The following ASIC2 variants were observed in gnomAD, a reference collection of about 807,000 sequenced individuals.
The protein encoded by ASIC2 is acid-sensing ion channel 2.
A neutral mutation model predicts 57.3 loss-of-function variants in ASIC2; 25 were observed. The ratio of observed to expected loss-of-function variants is 0.44; its 90% CI spans 0.32 to 0.61. ASIC2 has a LOEUF of 0.61. Among genes scored for constraint, ASIC2 ranks in the 20% least tolerant of loss-of-function variants. The pLI, the probability that ASIC2 is intolerant of heterozygous loss-of-function variation, is 0.06. For missense variants in ASIC2, 641 were observed against 738.1 expected (o/e 0.87, Z 1.52); for synonymous variants, 319 against 307.5 (o/e 1.04, Z -0.39).
chr17:33,403,717 A>G (rs777631648), intron 1 of ASIC2, among the ~76,000 whole-genome samples: 4 of 152,174 alleles, frequency 2.6e-5, no homozygotes, highest in Non-Finnish European at 5.9e-5. Flanking sequence ...TCAAGTAACC[A>G]ACCTCCATCA....
At chr17:34,120,722 C>CTTTTTTTTTTTTTTTTTT (rs142959293) in intron 1 of ASIC2, among the ~76,000 whole-genome samples, 8 of 94,628 alleles carry the variant, frequency 8.5e-5, no homozygotes, top group Non-Finnish European at 1.2e-4. Context: ...TGGGGTCCTT[C>CTTTTTTTTTTTTTTTTTT]TTTTTTTTTT....
chr17:33,682,118 A>G (rs1597833648), intron 1 of ASIC2, among the ~76,000 whole-genome samples: 2 of 140,830 alleles, frequency 1.4e-5, no homozygotes, highest in East Asian at 4.2e-4. Flanking sequence ...GGAGTGCAGT[A>G]GTGCAATCTT....
intron 3 of ASIC2, among the ~76,000 whole-genome samples, chr17:33,062,416 T>C (rs2092024674): frequency 6.6e-6 from 1 of 152,222 alleles, no homozygotes; most frequent in Non-Finnish European, 1.5e-5. Context: ...CATTTCGTTA[T>C]GTACACAGTA....
chr17:33,536,068 G>A (rs1038362156), intron 1 of ASIC2, among the ~76,000 whole-genome samples: 1 of 152,174 alleles, frequency 6.6e-6, no homozygotes, highest in Non-Finnish European at 1.5e-5. Context: ...AGTAGAAAAT[G>A]TTCTCCTTAT....
At chr17:33,393,928 T>C (rs1030120263) in intron 1 of ASIC2, among the ~76,000 whole-genome samples, 2 of 152,216 alleles carry the variant, frequency 1.3e-5, no homozygotes, top group Non-Finnish European at 2.9e-5. Flanking sequence ...CACTTCTACT[T>C]AGCCATGTAA....
chr17:33,622,123 C>A (rs776749462), intron 1 of ASIC2, among the ~76,000 whole-genome samples: 18 of 151,828 alleles, frequency 1.2e-4, no homozygotes, highest in Admixed American at 1.3e-4. Context: ...AGGTGCCTGG[C>A]ACTGTGCAAG....
intron 1 of ASIC2, among the ~76,000 whole-genome samples, chr17:33,856,116 G>C (rs1020757196): frequency 6.6e-6 from 1 of 152,106 alleles, no homozygotes; most frequent in Non-Finnish European, 1.5e-5. Context: ...GTGTACACAA[G>C]GCACTGTACA....
intron 1 of ASIC2, among the ~76,000 whole-genome samples, chr17:33,206,256 C>T (rs1270223622): frequency 3.9e-5 from 6 of 152,220 alleles, no homozygotes; most frequent in African/African-American, 1.4e-4. Flanking sequence ...GTGATGAGGT[C>T]GAAGGAGCCA....
In ASIC2 at chr17:34,045,842, C is replaced by T. The variant is rs773094613; in HGVS notation, c.555+110136G>A. On this transcript the variant is annotated intron_variant, in intron 1 of 9. Transcript: ENST00000359872. ...AACCCTGTATACAGACACCATTCCT[C>T]GCATTAAAAGATTAAATGAGTCTCT... Among the ~76,000 whole-genome samples, 7 of 152,174 alleles carry T rather than the reference C, an allele frequency of 4.6e-5. No individual in the cohort carries two copies. In the South Asian group the frequency reaches 8.3e-4, roughly 18 times the overall value.
chr17:33,975,909 G>A (rs1462661127), intron 1 of ASIC2, among the ~76,000 whole-genome samples: 2 of 151,770 alleles, frequency 1.3e-5, no homozygotes, highest in African/African-American at 2.4e-5. Flanking sequence ...CTCCTTTTAC[G>A]GTACCATGTT....
At chr17:33,229,394 A>G (rs1335647926) in intron 1 of ASIC2, among the ~76,000 whole-genome samples, 1 of 152,230 alleles carries the variant, frequency 6.6e-6, no homozygotes, top group African/African-American at 2.4e-5. Context: ...TGGTCTGAGC[A>G]TGGGGACAGG....
At chr17:33,962,923 TC>T (rs1261042256) in intron 1 of ASIC2, among the ~76,000 whole-genome samples, 1 of 152,246 alleles carries the variant, frequency 6.6e-6, no homozygotes, top group African/African-American at 2.4e-5. Context: ...AGATTCTGCA[TC>T]CCCCTTCCTT....
At chr17:33,186,225 C>T (rs1252849662) in intron 1 of ASIC2, among the ~76,000 whole-genome samples, 2 of 152,132 alleles carry the variant, frequency 1.3e-5, no homozygotes, top group Non-Finnish European at 2.9e-5. Flanking sequence ...ATTCTCCTGC[C>T]TCAGACTCTC....
chr17:33,544,245 ATTGTGTGAATAAGGTATACCCCACT>A (rs1392068172), intron 1 of ASIC2, among the ~76,000 whole-genome samples: 1 of 152,194 alleles, frequency 6.6e-6, no homozygotes, highest in Non-Finnish European at 1.5e-5. Flanking sequence ...GTAGTAGACC[ATTGTGTGAATAAGGTATACCCCACT>A]TTGTTCGTCC....
chr17:33,919,105 T>C (rs1915652624), intron 1 of ASIC2, among the ~76,000 whole-genome samples: 1 of 152,078 alleles, frequency 6.6e-6, no homozygotes, highest in Non-Finnish European at 1.5e-5. Flanking sequence ...TGGGCAATGC[T>C]AGTGCAGGCG....
At chr17:33,542,252 T>C (rs1915436337) in intron 1 of ASIC2, among the ~76,000 whole-genome samples, 1 of 151,384 alleles carries the variant, frequency 6.6e-6, no homozygotes, top group Non-Finnish European at 1.5e-5. Flanking sequence ...GTCATTTGGG[T>C]ATATACCCAG....
intron 1 of ASIC2, among the ~76,000 whole-genome samples, chr17:34,139,427 G>A (rs552744842): frequency 5.3e-5 from 8 of 152,274 alleles, no homozygotes; most frequent in African/African-American, 1.9e-4. Context: ...AACACTAAAC[G>A]ATGTATGAAT....
intron 1 of ASIC2, among the ~76,000 whole-genome samples, chr17:33,511,983 G>T (rs1914443109): frequency 6.6e-6 from 1 of 152,252 alleles, no homozygotes; most frequent in African/African-American, 2.4e-5. Flanking sequence ...ACCTAGGGCT[G>T]CCCAGCCCTT....
chr17:33,980,323 C>T (rs1020914829), intron 1 of ASIC2, among the ~76,000 whole-genome samples: 1 of 152,108 alleles, frequency 6.6e-6, no homozygotes, highest in Non-Finnish European at 1.5e-5. Flanking sequence ...TGAGGGCTGG[C>T]CTTTGTGTCT....
Sources: gnomAD v4.1 joint callset for allele counts (sites outside exome capture counted in the v4.1 genomes callset) on GRCh38, gnomAD v4.1.1 for gene constraint, MANE v1.5 for transcripts, NCBI Gene and HGNC (gene_info 2026-07-23, HGNC 2026-07-21) for gene names.